PLD5: variants seen among roughly 807,000 people sequenced by gnomAD.
The protein encoded by PLD5 is phospholipase D family member 5.
PLD5 carries 36 observed loss-of-function variants against 61.1 expected under a neutral mutation model. The observed-to-expected ratio is 0.59, with a 90% CI of 0.45 to 0.78. The LOEUF is 0.78. Ranked by LOEUF, PLD5 falls within the 30% of genes least tolerant of loss-of-function variation. The probability of loss-of-function intolerance (pLI) is 0.00; values close to 1 mark genes in which losing one functional copy is unlikely to be tolerated. For missense variants in PLD5, 515 were observed against 644.4 expected, an observed-to-expected ratio of 0.80 and a Z score of 2.17; for synonymous variants, 243 against 242.8, an observed-to-expected ratio of 1.00 and a Z score of -0.01.
intron 4 of PLD5, among the ~76,000 whole-genome samples, chr1:242,262,926 A>G (rs1462897591): frequency 4.6e-5 from 7 of 152,088 alleles, no homozygotes; most frequent in Non-Finnish European, 7.4e-5. Flanking sequence ...CTTGTGTAAA[A>G]TTAAATCCCT....
At chr1:242,411,271 T>C (rs1664536664) in intron 1 of PLD5, among the ~76,000 whole-genome samples, 1 of 152,170 alleles carries the variant, frequency 6.6e-6, no homozygotes, top group African/African-American at 2.4e-5. Flanking sequence ...AGTCTCGCTC[T>C]ATCGCCCAGG....
At chr1:242,498,273 A>G (rs1023144398) in intron 1 of PLD5, among the ~76,000 whole-genome samples, 1 of 152,172 alleles carries the variant, frequency 6.6e-6, no homozygotes, top group Non-Finnish European at 1.5e-5. Context: ...TCTTCAATTT[A>G]TTTTTATGAG....
At chr1:242,325,910 T>G (rs1030308223) in intron 2 of PLD5, among the ~76,000 whole-genome samples, 2 of 152,068 alleles carry the variant, frequency 1.3e-5, no homozygotes, top group Non-Finnish European at 2.9e-5. Context: ...TTCTTAGAGT[T>G]GGGGTCTCAC....
In PLD5 at chr1:242,242,044, CAT is replaced by C. The variant is rs60578231; in HGVS notation, c.608-21931_608-21930del. On this transcript the variant is annotated intron_variant, in intron 4 of 9. Transcript: ENST00000536534. ...ACACACACACACACACACACACACA[CAT>C]ATGGTTGATGGAGAGAAGGATGTGG... 6.3e-4 allele frequency among the ~76,000 whole-genome samples: 90 copies of C among 142,230 alleles called. 2 individuals are homozygous for C. Among genetic ancestry groups the C allele is most frequent in the African/African-American group, 2.0e-3 (77 of 37,738 alleles). The allele number at this position is 142,230 out of a possible 152,430, so 93.3% of individuals were successfully genotyped here. A position where few individuals can be genotyped will look rare whatever the true frequency, so the allele number is the denominator to read the frequency against.
intron 5 of PLD5, among the ~76,000 whole-genome samples, chr1:242,167,115 T>TAAA (rs1553314039): frequency 0.092 from 12,391 of 135,200 alleles, 898 homozygotes; most frequent in East Asian, 0.26. Flanking sequence ...ATAATAATAA[T>TAAA]AAATAGTAGC....
intron 2 of PLD5, among the ~76,000 whole-genome samples, chr1:242,292,249 A>G (rs1014768101): frequency 3.9e-5 from 6 of 152,154 alleles, no homozygotes; most frequent in Non-Finnish European, 7.3e-5. Flanking sequence ...GGATATATTT[A>G]AAAAAACAAT....
At chr1:242,268,672 T>C (rs1257856907) in intron 3 of PLD5, among the ~76,000 whole-genome samples, 3 of 152,184 alleles carry the variant, frequency 2.0e-5, no homozygotes, top group Admixed American at 2.0e-4. Flanking sequence ...TTTCCATACT[T>C]AGGCTTGAGG....
At chr1:242,139,879 A>T (rs1030896500) in intron 5 of PLD5, among the ~76,000 whole-genome samples, 8 of 152,162 alleles carry the variant, frequency 5.3e-5, no homozygotes, top group African/African-American at 1.9e-4. Context: ...TTGGCCAGGG[A>T]TGCTACAGAG....
intron 1 of PLD5, among the ~76,000 whole-genome samples, chr1:242,413,362 G>A (rs1664660025): frequency 6.7e-6 from 1 of 149,910 alleles, no homozygotes; most frequent in Non-Finnish European, 1.5e-5. Flanking sequence ...TATTACATAT[G>A]ATAGACTATC....
intron 1 of PLD5, chr1:242,449,608 A>G (rs1397644065): frequency 9.0e-7 from 1 of 1,108,176 alleles, no homozygotes; most frequent in African/African-American, 1.6e-5. Context: ...GCTCTTAAAA[A>G]CATAGGCCCC....
At chr1:242,312,471 C>T (rs983639229) in intron 2 of PLD5, among the ~76,000 whole-genome samples, 5 of 152,038 alleles carry the variant, frequency 3.3e-5, no homozygotes, top group Admixed American at 6.6e-5. Flanking sequence ...AATAGTCTCG[C>T]CTTTGCTTCT....
intron 5 of PLD5, among the ~76,000 whole-genome samples, chr1:242,216,205 G>A (rs984581138): frequency 2.0e-5 from 3 of 151,998 alleles, no homozygotes; most frequent in African/African-American, 7.3e-5. Context: ...TGACCGCCTT[G>A]CCCGACAGAC....
intron 1 of PLD5, among the ~76,000 whole-genome samples, chr1:242,470,144 A>C (rs1041124714): frequency 2.0e-5 from 3 of 152,050 alleles, no homozygotes; most frequent in Admixed American, 6.5e-5. Flanking sequence ...GATCGAGACC[A>C]TCCTGGCTAA....
At chr1:242,436,036 T>G (rs201808280) in intron 1 of PLD5, among the ~76,000 whole-genome samples, 2 of 152,116 alleles carry the variant, frequency 1.3e-5, no homozygotes, top group Non-Finnish European at 1.5e-5. Flanking sequence ...GAGTATCCAA[T>G]AGCCTTCCCT....
At chr1:242,463,490 G>C (rs544291311) in intron 1 of PLD5, among the ~76,000 whole-genome samples, 1 of 152,208 alleles carries the variant, frequency 6.6e-6, no homozygotes, top group East Asian at 1.9e-4. Flanking sequence ...GTCTCCCAAA[G>C]GGTTATTTCA....
intron 8 of PLD5, among the ~76,000 whole-genome samples, chr1:242,103,985 T>G (rs147646092): frequency 9.2e-5 from 14 of 152,340 alleles, no homozygotes; most frequent in African/African-American, 1.2e-4. Flanking sequence ...TTGTTAATAA[T>G]TTCATGAAAA....
At chr1:242,490,136 G>A (rs1397921197) in intron 1 of PLD5, among the ~76,000 whole-genome samples, 1 of 152,158 alleles carries the variant, frequency 6.6e-6, no homozygotes, top group Non-Finnish European at 1.5e-5. Context: ...ATGCCTCAAT[G>A]CCCATCATCA....
chr1:242,124,638 T>C lies in PLD5; in HGVS notation c.763A>G (p.Asn255Asp), dbSNP rs759082075. ...AAATCTAGGACCAGGCAGCTGCAGTTGTAGAAGATGACACCGAGTTCTTTC... is the reference window on the plus strand; with the variant it reads ...AAATCTAGGACCAGGCAGCTGCAGTCGTAGAAGATGACACCGAGTTCTTTC... ...QMKELGVIFY[N>D]CSCLVLDLQR... is the part of the protein sequence containing the mutation. Residue 255 changes from asparagine to aspartate, a missense_variant, in exon 6 of 10, where the codon AAC becomes GAC. Coordinates refer to ENST00000536534, the MANE Select transcript of PLD5 (RefSeq NM_001372062.1). 1 of 1,613,830 alleles carries C rather than the reference T, an allele frequency of 6.2e-7. No individual in the cohort carries two copies. Among genetic ancestry groups the C allele is most frequent in the Non-Finnish European group, 8.5e-7 (1 of 1,179,824 alleles).
rs558073116 is a variant in PLD5 at position 242,467,255 on chromosome 1, C to T, written c.189+56833G>A. ...AAATTTAATAAATAAATTATTTTTA[C>T]TAAAAGAAACTTTGTCTTTCTCTGC... On this transcript the variant is annotated intron_variant, in intron 1 of 9. Coordinates refer to ENST00000536534, the MANE Select transcript of PLD5 (RefSeq NM_001372062.1). Among the ~76,000 whole-genome samples the T allele has an allele frequency of 3.2e-4, 49 of 152,098 alleles. 1 individual carries two copies. The highest frequency in any genetic ancestry group is 1.5e-3 in the South Asian group (7 of 4,826).
Sources: allele counts gnomAD v4.1 joint callset (sites outside exome capture counted in the v4.1 genomes callset), GRCh38; gene constraint gnomAD v4.1.1; transcripts MANE v1.5; gene names NCBI Gene and HGNC (gene_info 2026-07-23, HGNC 2026-07-21).